The following MGAT4C variants were observed in gnomAD, a reference collection of about 807,000 sequenced individuals.
MGAT4C encodes MGAT4 family member C.
In MGAT4C, 19 loss-of-function variants were observed where a neutral mutation model predicts 40.1. That is an observed-to-expected ratio of 0.47 (90% confidence interval 0.33 to 0.70). The LOEUF (loss-of-function observed/expected upper bound fraction) is 0.70. Ranked by LOEUF, MGAT4C falls within the 30% of genes least tolerant of loss-of-function variation. The pLI is 0.02. For synonymous variants in MGAT4C, 181 were observed against 187.1 expected, an observed-to-expected ratio of 0.97 and a Z score of 0.27; for missense variants, 491 against 563.2, an observed-to-expected ratio of 0.87 and a Z score of 1.30.
intron 3 of MGAT4C, among the ~76,000 whole-genome samples, chr12:86,415,800 G>A (rs1336500981): frequency 6.6e-6 from 1 of 151,962 alleles, no homozygotes; most frequent in Admixed American, 6.6e-5. Context: ...AGAATAATGG[G>A]TATGTCCATA....
At chr12:86,402,046 T>A (rs931139125) in intron 3 of MGAT4C, among the ~76,000 whole-genome samples, 1 of 151,986 alleles carries the variant, frequency 6.6e-6, no homozygotes, top group Non-Finnish European at 1.5e-5. Context: ...ATTATTAACA[T>A]ATTATTATAT....
intron 1 of MGAT4C, among the ~76,000 whole-genome samples, chr12:86,066,626 A>C (rs533278533): frequency 1.3e-5 from 2 of 152,308 alleles, no homozygotes; most frequent in East Asian, 3.9e-4. Flanking sequence ...AAACCTAGGC[A>C]ATACCATTCA....
chr12:86,695,116 C>G (rs1171528819), intron 2 of MGAT4C, among the ~76,000 whole-genome samples: 1 of 152,102 alleles, frequency 6.6e-6, no homozygotes, highest in Non-Finnish European at 1.5e-5. Flanking sequence ...AAGATTTGAA[C>G]AGACATTTCT....
intron 1 of MGAT4C, among the ~76,000 whole-genome samples, chr12:86,790,298 AT>A (rs1329302476): frequency 6.6e-6 from 1 of 152,158 alleles, no homozygotes; most frequent in African/African-American, 2.4e-5. Flanking sequence ...TTTGGAGTCT[AT>A]TACTTTGATG....
At chr12:86,777,893 T>C (rs1178467071) in intron 1 of MGAT4C, among the ~76,000 whole-genome samples, 6 of 152,184 alleles carry the variant, frequency 3.9e-5, no homozygotes, top group Non-Finnish European at 7.4e-5. Flanking sequence ...AAACTACCTA[T>C]ACAGAACTCA....
At chr12:86,494,262 T>C (rs947584760) in intron 2 of MGAT4C, among the ~76,000 whole-genome samples, 1 of 152,062 alleles carries the variant, frequency 6.6e-6, no homozygotes, top group Non-Finnish European at 1.5e-5. Flanking sequence ...AACTTTTTAT[T>C]TATTGTTACT....
At chr12:86,412,617 GA>G (rs1226597781) in intron 3 of MGAT4C, among the ~76,000 whole-genome samples, 3 of 152,156 alleles carry the variant, frequency 2.0e-5, no homozygotes, top group Admixed American at 1.3e-4. Flanking sequence ...GATTTTACAA[GA>G]TCATAGGTGG....
chr12:86,416,060 G>A (rs1301319424), intron 3 of MGAT4C, among the ~76,000 whole-genome samples: 4 of 152,060 alleles, frequency 2.6e-5, no homozygotes, highest in Non-Finnish European at 5.9e-5. Flanking sequence ...TTTGTGTATA[G>A]AGGGATATAT....
intron 1 of MGAT4C, among the ~76,000 whole-genome samples, chr12:86,222,207 GA>G (rs1210870873): frequency 6.6e-6 from 1 of 152,122 alleles, no homozygotes; most frequent in African/African-American, 2.4e-5. Context: ...CTAAATAAAG[GA>G]AAGCTACAAT....
intron 1 of MGAT4C, among the ~76,000 whole-genome samples, chr12:86,054,911 C>T (rs1476629696): frequency 4.6e-5 from 7 of 151,852 alleles, no homozygotes; most frequent in South Asian, 2.1e-4. Flanking sequence ...TTTTCCTTCA[C>T]TAAAAAATCT....
intron 3 of MGAT4C, among the ~76,000 whole-genome samples, chr12:86,353,081 A>T (rs893210544): frequency 6.6e-6 from 1 of 151,296 alleles, no homozygotes; most frequent in Non-Finnish European, 1.5e-5. Context: ...AAAGAAAGAG[A>T]TCCAGAATCT....
chr12:86,492,858 G>C (rs926833980), intron 2 of MGAT4C, among the ~76,000 whole-genome samples: 1 of 152,022 alleles, frequency 6.6e-6, no homozygotes, highest in African/African-American at 2.4e-5. Context: ...GAGTGAACAG[G>C]CAACCTACAG....
At chr12:86,252,049 T>G (rs1592591332) in intron 1 of MGAT4C, among the ~76,000 whole-genome samples, 1 of 152,060 alleles carries the variant, frequency 6.6e-6, no homozygotes, top group African/African-American at 2.4e-5. Flanking sequence ...AGCTCTAGAT[T>G]ATTTTTTCAT....
chr12:86,167,302 T>C (rs1593125173), intron 1 of MGAT4C, among the ~76,000 whole-genome samples: 8 of 152,214 alleles, frequency 5.3e-5, no homozygotes. Context: ...TCAGAAATTA[T>C]TTCTTCTTTT....
rs1186094810 is a variant in MGAT4C at position 85,972,557 on chromosome 12, C to T, written c.*6732G>A. 6.6e-6 allele frequency: 1 copy of T among 150,916 alleles called. No homozygotes were observed. The highest frequency in any genetic ancestry group is 6.6e-5 in the Admixed American group (1 of 15,090). 9.3% of individuals were successfully genotyped at this position (150,916 alleles called of 1,614,324 possible). On this transcript the variant is annotated 3_prime_UTR_variant, in exon 5 of 5. Transcript: ENST00000611864. ...TTGTTAAAGTGTGGGATATAGTTTA[C>T]ATTACCGAGTTTATTTTCTAAGGGT...
At chr12:86,716,215 A>C (rs1950643059) in intron 2 of MGAT4C, among the ~76,000 whole-genome samples, 1 of 152,136 alleles carries the variant, frequency 6.6e-6, no homozygotes, top group African/African-American at 2.4e-5. Context: ...ATTAAACAGG[A>C]CAAACTATTA....
At chr12:86,516,627 T>C (rs887885483) in intron 2 of MGAT4C, among the ~76,000 whole-genome samples, 2 of 152,078 alleles carry the variant, frequency 1.3e-5, no homozygotes, top group Non-Finnish European at 2.9e-5. Flanking sequence ...CTGTACTTTA[T>C]AAAAATTATA....
At chr12:86,228,761 C>CTAAAAAACATTT (rs1264214851) in intron 1 of MGAT4C, among the ~76,000 whole-genome samples, 1 of 151,846 alleles carries the variant, frequency 6.6e-6, no homozygotes, top group Non-Finnish European at 1.5e-5. Context: ...CAGCAAGGAA[C>CTAAAAAACATTT]AGTTAGATGT....
chr12:86,638,262 C>A (rs1005276525), intron 2 of MGAT4C, among the ~76,000 whole-genome samples: 1 of 151,794 alleles, frequency 6.6e-6, no homozygotes, highest in Admixed American at 6.6e-5. Context: ...AATTTAATTG[C>A]TTTTGAGGAG....
Sources: gnomAD v4.1 joint callset for allele counts (sites outside exome capture counted in the v4.1 genomes callset) on GRCh38, gnomAD v4.1.1 for gene constraint, MANE v1.5 for transcripts, NCBI Gene and HGNC (gene_info 2026-07-23, HGNC 2026-07-21) for gene names.